The following CTNNA3 variants were observed in gnomAD, a reference collection of about 807,000 sequenced individuals.
CTNNA3 encodes catenin alpha-3.
CTNNA3 carries 76 observed loss-of-function variants against 95.7 expected under a neutral mutation model. The observed-to-expected ratio is 0.79, with a 90% CI of 0.66 to 0.96. The LOEUF is 0.96. Among genes scored for constraint, CTNNA3 ranks in the 40% least tolerant of loss-of-function variants. The pLI is 0.00. For missense variants in CTNNA3, 1,191 were observed against 1,089.8 expected, an observed-to-expected ratio of 1.09 and a Z score of -1.31; for synonymous variants, 431 against 374.4, an observed-to-expected ratio of 1.15 and a Z score of -1.74.
chr10:67,431,997 T>C (rs1313430296), intron 5 of CTNNA3, among the ~76,000 whole-genome samples: 1 of 151,966 alleles, frequency 6.6e-6, no homozygotes, highest in Non-Finnish European at 1.5e-5. Flanking sequence ...AACCCACATA[T>C]TCAACCTATA....
At chr10:67,062,701 T>C (rs143747179) in intron 7 of CTNNA3, among the ~76,000 whole-genome samples, 128 of 152,314 alleles carry the variant, frequency 8.4e-4, no homozygotes, top group African/African-American at 2.9e-3. Flanking sequence ...TATACACTTT[T>C]CCCTGCATTG....
chr10:66,373,834 C>T (rs924381613), intron 12 of CTNNA3, among the ~76,000 whole-genome samples: 2 of 152,170 alleles, frequency 1.3e-5, no homozygotes, highest in Non-Finnish European at 2.9e-5. Context: ...ATTGAATACA[C>T]AATATTCATG....
chr10:66,974,904 T>C (rs1385147740), intron 7 of CTNNA3, among the ~76,000 whole-genome samples: 3 of 152,174 alleles, frequency 2.0e-5, no homozygotes. Flanking sequence ...TAATACATTT[T>C]TTTTAAGGAG....
chr10:67,727,167 T>A (rs1466774671), intron 1 of CTNNA3, among the ~76,000 whole-genome samples: 1 of 125,416 alleles, frequency 8.0e-6, no homozygotes, highest in Admixed American at 9.5e-5. Context: ...ATATATAATA[T>A]ATGATACATA....
intron 5 of CTNNA3, among the ~76,000 whole-genome samples, chr10:67,373,584 A>G (rs1008641454): frequency 5.3e-5 from 8 of 152,148 alleles, no homozygotes; most frequent in African/African-American, 1.9e-4. Flanking sequence ...AAAGTTAACA[A>G]AGATATCCAG....
At chr10:66,015,545 T>A (rs140556600) in intron 15 of CTNNA3, among the ~76,000 whole-genome samples, 1,904 of 152,274 alleles carry the variant, frequency 0.013, 29 homozygotes, top group African/African-American at 0.044. Context: ...ATTGCTGGGT[T>A]GCAAAGCCTA....
At chr10:66,648,220 TC>T (rs1477098323) in intron 9 of CTNNA3, among the ~76,000 whole-genome samples, 2 of 152,204 alleles carry the variant, frequency 1.3e-5, no homozygotes, top group East Asian at 3.9e-4. Context: ...TTGTGTCCCT[TC>T]CCCAGGGATT....
At chr10:67,220,492 G>T (rs1286844066) in intron 5 of CTNNA3, among the ~76,000 whole-genome samples, 1 of 152,022 alleles carries the variant, frequency 6.6e-6, no homozygotes, top group Non-Finnish European at 1.5e-5. Flanking sequence ...TTCTTTTGGG[G>T]GGAAAGGGCC....
intron 16 of CTNNA3, among the ~76,000 whole-genome samples, chr10:65,987,380 A>T (rs2078450289): frequency 6.6e-6 from 1 of 152,086 alleles, no homozygotes; most frequent in African/African-American, 2.4e-5. Flanking sequence ...CTGAATAGTC[A>T]TCTCTCAAAA....
chr10:66,864,167 T>C (rs2132420522), intron 7 of CTNNA3, among the ~76,000 whole-genome samples: 1 of 152,286 alleles, frequency 6.6e-6, no homozygotes, highest in South Asian at 2.1e-4. Flanking sequence ...CCAAAGATCA[T>C]GTGTTGGAAA....
In CTNNA3 at chr10:65,920,443, T is replaced by C. The variant is rs766896063; in HGVS notation, c.2575A>G (p.Ile859Val). The C allele has an allele frequency of 6.2e-7, 1 of 1,614,166 alleles. No individual in the cohort carries two copies. Among genetic ancestry groups the C allele is most frequent in the Non-Finnish European group, 8.5e-7 (1 of 1,180,022 alleles). Residue 859 changes from isoleucine to valine, a missense_variant, in exon 18 of 18, where the codon ATT (isoleucine) becomes GTT (valine). Transcript: ENST00000433211. The part of the protein sequence containing the change: ...RMKAPAKKPL[I>V]KREKPEETCA... ...GTTTCCTCTGGCTTCTCTCTTTTAA[T>C]CAAGGGTTTTTTTGCAGGAGCCTTC...
At chr10:66,281,794 A>G (rs1415191508) in intron 12 of CTNNA3, among the ~76,000 whole-genome samples, 1 of 151,676 alleles carries the variant, frequency 6.6e-6, no homozygotes, top group African/African-American at 2.4e-5. Context: ...TTTTGATGAT[A>G]TACATGGGCA....
chr10:67,142,921 ACT>A (rs1387624384), intron 7 of CTNNA3, among the ~76,000 whole-genome samples: 5 of 151,992 alleles, frequency 3.3e-5, no homozygotes, highest in South Asian at 4.2e-4. Context: ...ACAGAGCAAG[ACT>A]CTGTCTCAAA....
At chr10:65,942,343 A>G (rs1404598060) in intron 17 of CTNNA3, among the ~76,000 whole-genome samples, 1 of 152,214 alleles carries the variant, frequency 6.6e-6, no homozygotes, top group Non-Finnish European at 1.5e-5. Flanking sequence ...CCTGGCCAAC[A>G]TGGTGAAACC....
At chr10:67,054,356 G>A (rs1855294624) in intron 7 of CTNNA3, among the ~76,000 whole-genome samples, 1 of 152,120 alleles carries the variant, frequency 6.6e-6, no homozygotes, top group African/African-American at 2.4e-5. Context: ...GTTCCTTTAA[G>A]GGTAAGCTTT....
In CTNNA3 at chr10:67,539,492, C is replaced by T; in HGVS notation, c.459+11G>A. ...ACAATGCCAAGGTAAACTAAGCCAT[C>T]TTTTACTTACAGCTGACACATGTTG... On this transcript the variant is annotated intron_variant, in intron 4 of 17. Transcript: ENST00000433211. 6.2e-7 allele frequency: 1 copy of T among 1,612,294 alleles called. No individual in the cohort carries two copies. The highest frequency in any genetic ancestry group is 8.5e-7 in the Non-Finnish European group (1 of 1,178,710).
chr10:67,259,878 G>C (rs979509742), intron 5 of CTNNA3, among the ~76,000 whole-genome samples: 1 of 152,054 alleles, frequency 6.6e-6, no homozygotes, highest in African/African-American at 2.4e-5. Flanking sequence ...TGTTGGAAGG[G>C]CCCCTTTCCC....
chr10:66,442,896 C>T (rs1383999388), intron 11 of CTNNA3, among the ~76,000 whole-genome samples: 1 of 152,180 alleles, frequency 6.6e-6, no homozygotes, highest in Non-Finnish European at 1.5e-5. Context: ...TCAGGGGGTT[C>T]CCTTTCCTAG....
chr10:67,325,433 T>C (rs921978083), intron 5 of CTNNA3, among the ~76,000 whole-genome samples: 2 of 152,212 alleles, frequency 1.3e-5, no homozygotes, highest in Admixed American at 1.3e-4. Context: ...GTATGTTGTA[T>C]CTTTGTTCTC....
Sources: gnomAD v4.1 joint callset for allele counts (sites outside exome capture counted in the v4.1 genomes callset) on GRCh38, gnomAD v4.1.1 for gene constraint, MANE v1.5 for transcripts, NCBI Gene and HGNC (gene_info 2026-07-23, HGNC 2026-07-21) for gene names.